Variants in IRAG2 observed in about 807,000 individuals in gnomAD.
The protein encoded by IRAG2 is lymphoid restricted membrane protein.
A neutral mutation model predicts 69.9 loss-of-function variants in IRAG2; 45 were observed. The observed-to-expected ratio is 0.64, with a 90% CI of 0.51 to 0.83. The LOEUF (loss-of-function observed/expected upper bound fraction) is 0.83. Among genes scored for constraint, IRAG2 ranks in the 40% least tolerant of loss-of-function variants. The pLI, the probability that IRAG2 is intolerant of heterozygous loss-of-function variation, is 0.00. For missense variants in IRAG2, 520 were observed against 587.0 expected (o/e 0.89, Z 1.18); for synonymous variants, 193 against 202.4 (o/e 0.95, Z 0.40).
intron 2 of IRAG2, among the ~76,000 whole-genome samples, chr12:25,010,482 A>C (rs1383490024): frequency 6.6e-6 from 1 of 151,832 alleles, no homozygotes; most frequent in Non-Finnish European, 1.5e-5. Context: ...CAAACAAAAA[A>C]AAAAAACAGT....
rs189644408 is a variant in IRAG2 at position 25,062,831 on chromosome 12, T to C, written c.-373T>C. 1.5e-4 allele frequency: 58 copies of C among 399,010 alleles called. No homozygotes were observed. In the East Asian group the frequency reaches 2.0e-3, roughly 14 times the overall value. 24.7% of individuals were successfully genotyped at this position (399,010 alleles called of 1,614,324 possible). On this transcript the variant is annotated 5_prime_UTR_variant, in exon 3 of 22. The change abolishes an upstream ATG in the 5' untranslated region. Transcript: ENST00000556887. ...TTTTCTCTTGACAGAGCTTTTTAGA[T>C]GAGGAATTTCCTCACTATGATTCCC... is the stretch of plus-strand genomic sequence containing the variant.
At chr12:25,103,193 A>G (rs1734596345) in intron 17 of IRAG2, 1 of 152,236 alleles carries the variant, frequency 6.6e-6, no homozygotes, top group South Asian at 2.1e-4. Flanking sequence ...AACCTTAAGA[A>G]CCACATAATA....
intron 16 of IRAG2, among the ~76,000 whole-genome samples, chr12:25,041,197 G>C (rs1044217083): frequency 2.0e-5 from 3 of 152,106 alleles, no homozygotes; most frequent in Admixed American, 6.5e-5. Flanking sequence ...GGGCAGGGTG[G>C]GGGGTAAGCA....
chr12:25,021,091 C>T (rs932461764), intron 7 of IRAG2: 8 of 273,602 alleles, frequency 2.9e-5, no homozygotes, highest in Admixed American at 5.9e-5. Context: ...TCTTTCTTTT[C>T]TTTTTTTTTT....
intron 2 of IRAG2, among the ~76,000 whole-genome samples, chr12:25,010,782 G>A (rs1365784090): frequency 2.0e-5 from 3 of 151,974 alleles, no homozygotes; most frequent in Non-Finnish European, 4.4e-5. Flanking sequence ...GGCCTTTGAT[G>A]GGAGTAAAAG....
upstream of IRAG2, among the ~76,000 whole-genome samples, chr12:25,002,159 AG>A (rs1944396396): frequency 6.6e-6 from 1 of 152,120 alleles, no homozygotes; most frequent in Non-Finnish European, 1.5e-5. Context: ...TTTGTGTTCA[AG>A]GGTGAAGCCT....
chr12:25,060,713 T>C (rs1945572489), intron 1 of IRAG2, among the ~76,000 whole-genome samples: 1 of 141,124 alleles, frequency 7.1e-6, no homozygotes, highest in Admixed American at 7.9e-5. Flanking sequence ...CGCCCTGGAG[T>C]GCAGTGGCAT....
At chr12:25,028,569 AT>A (rs1944643648) in intron 9 of IRAG2, among the ~76,000 whole-genome samples, 1 of 152,156 alleles carries the variant, frequency 6.6e-6, no homozygotes, top group Non-Finnish European at 1.5e-5. Context: ...CCTTACAAAA[AT>A]ATTTTTTGTC....
At chr12:25,040,473 A>G (rs1290265077) in intron 16 of IRAG2, among the ~76,000 whole-genome samples, 1 of 152,156 alleles carries the variant, frequency 6.6e-6, no homozygotes, top group Admixed American at 6.5e-5. Context: ...AGTGCACTCT[A>G]GCAGCCTGTG....
At chr12:25,017,719 A>G (rs1944542597) in intron 6 of IRAG2, among the ~76,000 whole-genome samples, 1 of 150,872 alleles carries the variant, frequency 6.6e-6, no homozygotes, top group Non-Finnish European at 1.5e-5. Flanking sequence ...CTCTGTCTCA[A>G]AAAAAAAACC....
chr12:25,043,250 A>G (rs1335392157), intron 16 of IRAG2, among the ~76,000 whole-genome samples: 5 of 152,174 alleles, frequency 3.3e-5, no homozygotes, highest in South Asian at 2.1e-4. Context: ...CGCCACGCCA[A>G]TGGAAAGAAA....
upstream of IRAG2, among the ~76,000 whole-genome samples, chr12:25,001,960 G>A (rs1591919378): frequency 1.3e-5 from 2 of 151,808 alleles, no homozygotes; most frequent in Non-Finnish European, 1.5e-5. Flanking sequence ...TAGTAGAGAC[G>A]GGGTTTCATC....
At chr12:25,051,097 AT>A (rs1944859517), upstream of IRAG2, among the ~76,000 whole-genome samples, 1 of 152,204 alleles carries the variant, frequency 6.6e-6, no homozygotes, top group Non-Finnish European at 1.5e-5. Flanking sequence ...ACACTTAAAA[AT>A]TTGTTAAGTG....
intron 16 of IRAG2, among the ~76,000 whole-genome samples, chr12:25,043,933 T>C (rs952790093): frequency 6.6e-6 from 1 of 152,108 alleles, no homozygotes; most frequent in Non-Finnish European, 1.5e-5. Context: ...CCCATAAAAA[T>C]GCTCGTGGTC....
intron 14 of IRAG2, among the ~76,000 whole-genome samples, chr12:25,092,532 T>C (rs1193326332): frequency 7.3e-6 from 1 of 136,090 alleles, no homozygotes; most frequent in Non-Finnish European, 1.5e-5. Context: ...GCCATTGCAC[T>C]CCAGCCTGGG....
At position 25,106,055 on chromosome 12, in the gene IRAG2, ATACTAATT is replaced by A. The variant is rs368564471; in HGVS notation, c.1149-885_1149-878del. Among the ~76,000 whole-genome samples the A allele has an allele frequency of 4.2e-3, 635 of 152,270 alleles. 5 individuals carry two copies. Among genetic ancestry groups the A allele is most frequent in the African/African-American group, 0.014 (602 of 41,564 alleles). On this transcript the variant is annotated intron_variant, in intron 20 of 21. Coordinates refer to ENST00000556887, the MANE Select transcript of IRAG2 (RefSeq NM_001366544.2). ...CAATTGCTATTTCCCAGTTCACTGA[ATACTAATT>A]TATTTTAACCAGTTTTATACTGAGA...
intron 6 of IRAG2, among the ~76,000 whole-genome samples, chr12:25,072,482 C>A (rs1946403427): frequency 6.6e-6 from 1 of 152,184 alleles, no homozygotes. Context: ...CAACTCCCCA[C>A]CTACCATCAT....
intron 7 of IRAG2, among the ~76,000 whole-genome samples, chr12:25,021,401 A>G (rs1591927602): frequency 2.0e-5 from 3 of 152,064 alleles, no homozygotes; most frequent in South Asian, 2.1e-4. Flanking sequence ...GATACTAAAA[A>G]CCACTTGAAT....
Position 25,044,258 on chromosome 12 carries a change from A to G in IRAG2, c.2144+6121A>G, listed in dbSNP as rs1365235951. ...ACGCTCCATGGTAATGCCAAAGAAC[A>G]TACCTATAGAGCAGACACACACACA... On this transcript the variant is annotated intron_variant, in intron 16 of 38. Transcript: ENST00000636465. 5.9e-5 allele frequency among the ~76,000 whole-genome samples: 9 copies of G among 152,098 alleles called. 1 individual carries two copies. The highest frequency in any genetic ancestry group is 5.9e-5 in the Non-Finnish European group (4 of 68,002).
Sources: allele counts gnomAD v4.1 joint callset (sites outside exome capture counted in the v4.1 genomes callset), GRCh38; gene constraint gnomAD v4.1.1; transcripts MANE v1.5; gene names NCBI Gene and HGNC (gene_info 2026-07-23, HGNC 2026-07-21).